HTT: variants seen among roughly 807,000 people sequenced by gnomAD.
HTT encodes huntingtin.
In HTT, 104 loss-of-function variants were observed where a neutral mutation model predicts 362.3. The observed-to-expected ratio is 0.29, with a 90% confidence interval of 0.24 to 0.34. HTT has a LOEUF of 0.34. HTT is among the 10% of genes least tolerant of loss of function. HTT has a pLI of 1.00. For missense variants in HTT, 3,301 were observed against 3,928.6 expected (o/e 0.84, Z 4.27); for synonymous variants, 1,577 against 1,548.7 (o/e 1.02, Z -0.43).
Position 3,224,123 on chromosome 4 carries a change from C to A in HTT, c.7757C>A (p.Ala2586Asp). ...AWDPVPSLSP[A>D]TTGALISHEK... ...GATCCTGTCCCTTCTCTGTCTCCGGCTACTACAGGTACCTGAGGGAAAGGG... is the reference window on the plus strand; with the variant it reads ...GATCCTGTCCCTTCTCTGTCTCCGGATACTACAGGTACCTGAGGGAAAGGG... The change falls in exon 56 of 67, where the codon GCT (alanine) becomes GAT (aspartate). Residue 2586 changes from alanine to aspartate, a missense_variant. Physicochemically the swap from Ala to Asp is moderately radical, Grantham distance 126 (BLOSUM62 -2). This residue lies in a region of HTT where 753 missense variants were observed against 1,021.3 expected (regional missense o/e 0.74). Transcript: ENST00000355072. 6.2e-6 allele frequency: 10 copies of A among 1,613,986 alleles called. No individual in the cohort carries two copies. The highest frequency in any genetic ancestry group is 8.5e-6 in the Non-Finnish European group (10 of 1,179,904).
At chr4:3,211,152 C>T (rs940335832) in intron 47 of HTT, among the ~76,000 whole-genome samples, 2 of 152,054 alleles carry the variant, frequency 1.3e-5, no homozygotes, top group African/African-American at 4.8e-5. Flanking sequence ...GATCCGCCCA[C>T]CTCGGCCTCC....
chr4:3,160,179 G>A (rs1343807363), intron 28 of HTT, 103 bp from the exon 29 acceptor site: 1 of 745,828 alleles, frequency 1.3e-6, no homozygotes, highest in Non-Finnish European at 2.4e-6. Context: ...GCGCCGCACA[G>A]TGGAGGCATC....
intron 54 of HTT, among the ~76,000 whole-genome samples, chr4:3,222,707 A>G (rs540735889): frequency 6.6e-6 from 1 of 152,320 alleles, no homozygotes; most frequent in East Asian, 1.9e-4. Flanking sequence ...GCATTTTATT[A>G]CGGTGCATTC....
At chr4:3,185,555 AGTAATG>A (rs544150213) in intron 37 of HTT, among the ~76,000 whole-genome samples, 1 of 152,362 alleles carries the variant, frequency 6.6e-6, no homozygotes, top group South Asian at 2.1e-4. Context: ...ACCATCAATA[AGTAATG>A]GTTGAACACA....
At chr4:3,209,702 G>A (rs1205861434) in intron 46 of HTT, 125 bp from the exon 47 acceptor site, 9 of 1,176,204 alleles carry the variant, frequency 7.7e-6, no homozygotes, top group South Asian at 4.2e-5. Flanking sequence ...ACAGCCTGCC[G>A]GCCGGCAGCC....
intron 6 of HTT, among the ~76,000 whole-genome samples, chr4:3,113,287 A>T (rs543058565): frequency 6.6e-6 from 1 of 152,212 alleles, no homozygotes; most frequent in African/African-American, 2.4e-5. Context: ...CATCATAATA[A>T]TGAGTAGCTC....
intron 2 of HTT, among the ~76,000 whole-genome samples, chr4:3,094,972 G>A (rs1287446908): frequency 3.9e-5 from 6 of 151,940 alleles, no homozygotes; most frequent in African/African-American, 9.7e-5. Context: ...GACGATGGGC[G>A]GCCGGGCAGA....
intron 1 of HTT, among the ~76,000 whole-genome samples, chr4:3,081,896 T>A (rs1712931023): frequency 1.3e-5 from 2 of 151,906 alleles, no homozygotes; most frequent in South Asian, 2.1e-4. Context: ...GTTTTTTTTT[T>A]AAACTAGTTT....
At chr4:3,177,444 T>A (rs1560581189) in intron 34 of HTT, 57 bp downstream of exon 34, 5 of 1,173,086 alleles carry the variant, frequency 4.3e-6, no homozygotes, top group Non-Finnish European at 6.1e-6. Flanking sequence ...TTACATGTAA[T>A]TTAGGTTATT....
At position 3,148,183 on chromosome 4, in the gene HTT, C is replaced by T. The variant is rs1433427566; in HGVS notation, c.3474C>T (p.Asp1158=). The change falls in exon 26 of 67, where the codon GAC becomes GAT. Residue 1158 remains aspartate, a synonymous_variant. Coordinates refer to ENST00000355072, the MANE Select transcript of HTT (RefSeq NM_001388492.1). ...ACATTTGTGCCCACGTCCTGGATGACGTGGCTCCTGGACCCGCAATAAAGG... is the reference window on the plus strand; with the variant it reads ...ACATTTGTGCCCACGTCCTGGATGATGTGGCTCCTGGACCCGCAATAAAGG... ...VINICAHVLD[D]VAPGPAIKAA... The T allele has an allele frequency of 3.1e-6, 5 of 1,594,920 alleles. No homozygotes were observed. The highest frequency in any genetic ancestry group is 1.7e-4 in the Middle Eastern group (1 of 5,968).
At chr4:3,226,574 A>T (rs2110292427) in intron 57 of HTT, among the ~76,000 whole-genome samples, 1 of 152,284 alleles carries the variant, frequency 6.6e-6, no homozygotes, top group East Asian at 1.9e-4. Context: ...GTGCTGGCCG[A>T]CTTGCACCTT....
intron 19 of HTT, 113 bp downstream of exon 19, chr4:3,134,653 G>T: frequency 1.1e-6 from 1 of 948,540 alleles, no homozygotes; most frequent in Non-Finnish European, 1.6e-6. Flanking sequence ...AAATCCGAGT[G>T]GTTTAGGTAG....
chr4:3,156,284 T>TA (rs1170212351), intron 27 of HTT, among the ~76,000 whole-genome samples: 1 of 151,852 alleles, frequency 6.6e-6, no homozygotes, highest in African/African-American at 2.4e-5. Flanking sequence ...TGCACCTGGC[T>TA]AATTTTTGTA....
chr4:3,236,023 C>A, intron 63 of HTT, 126 bp from the exon 64 acceptor site: 1 of 794,022 alleles, frequency 1.3e-6, no homozygotes, highest in Non-Finnish European at 2.2e-6. Context: ...CCTGGGCAAG[C>A]AAGGGGCTGA....
intron 23 of HTT, among the ~76,000 whole-genome samples, chr4:3,144,278 T>C (rs1168445059): frequency 2.0e-5 from 3 of 152,200 alleles, no homozygotes; most frequent in South Asian, 2.1e-4. Flanking sequence ...AAAAATAATA[T>C]ACAAAAGTAA....
chr4:3,133,986 C>T (rs530202962), intron 18 of HTT, among the ~76,000 whole-genome samples: 5 of 152,164 alleles, frequency 3.3e-5, no homozygotes, highest in African/African-American at 7.2e-5. Context: ...TCTGTTCTCT[C>T]GTGCTGTGGA....
At chr4:3,108,943 G>C (rs1473924544) in intron 6 of HTT, among the ~76,000 whole-genome samples, 3 of 152,038 alleles carry the variant, frequency 2.0e-5, no homozygotes, top group African/African-American at 7.2e-5. Context: ...AGCTACTCAG[G>C]AGGCTGAGAC....
chr4:3,178,960 T>TGGAA (rs1718371646), intron 35 of HTT, among the ~76,000 whole-genome samples: 1 of 152,186 alleles, frequency 6.6e-6, no homozygotes, highest in Non-Finnish European at 1.5e-5. Flanking sequence ...CCCCAGCCTG[T>TGGAA]GGAAGGAGCT....
intron 1 of HTT, among the ~76,000 whole-genome samples, chr4:3,075,892 T>C (rs1712523473): frequency 6.6e-6 from 1 of 152,198 alleles, no homozygotes; most frequent in Non-Finnish European, 1.5e-5. Context: ...ACGTGGTGAT[T>C]AATGAAATTA....
Sources: allele counts gnomAD v4.1 joint callset (sites outside exome capture counted in the v4.1 genomes callset), GRCh38; gene constraint gnomAD v4.1.1; regional missense constraint gnomAD v4.1.1; transcripts MANE v1.5; gene names NCBI Gene and HGNC (gene_info 2026-07-23, HGNC 2026-07-21).